CCDC73: variants seen among roughly 807,000 people sequenced by gnomAD.
CCDC73 encodes coiled-coil domain containing 73.
CCDC73 carries 95 observed loss-of-function variants against 116.5 expected under a neutral mutation model. That is an observed-to-expected ratio of 0.82 (90% CI 0.69 to 0.97). CCDC73 has a LOEUF of 0.97. Among genes scored for constraint, CCDC73 ranks in the 50% least tolerant of loss-of-function variants. The pLI is 0.00. For missense variants in CCDC73, 1,066 were observed against 1,206.8 expected (o/e 0.88, Z 1.73); for synonymous variants, 398 against 401.3 (o/e 0.99, Z 0.10).
intron 9 of CCDC73, among the ~76,000 whole-genome samples, chr11:32,665,033 T>C (rs1490585151): frequency 6.6e-6 from 1 of 152,238 alleles, no homozygotes; most frequent in Non-Finnish European, 1.5e-5. Context: ...CAGTTTGTTA[T>C]AATTTCTGTT....
At chr11:32,640,940 C>G (rs1855726750) in intron 13 of CCDC73, among the ~76,000 whole-genome samples, 1 of 151,890 alleles carries the variant, frequency 6.6e-6, no homozygotes, top group South Asian at 2.1e-4. Context: ...GGTGTGAACC[C>G]AGGAGGCAGA....
intron 2 of CCDC73, among the ~76,000 whole-genome samples, chr11:32,722,481 A>G (rs1247994850): frequency 6.6e-6 from 1 of 152,166 alleles, no homozygotes; most frequent in East Asian, 1.9e-4. Flanking sequence ...CCTATGACAC[A>G]TTTAGGGTTT....
upstream of CCDC73, among the ~76,000 whole-genome samples, chr11:32,798,360 C>T (rs550975288): frequency 1.3e-5 from 2 of 152,250 alleles, no homozygotes; most frequent in Non-Finnish European, 2.9e-5. Flanking sequence ...GTGGCACAAT[C>T]ACCACTAACT....
At chr11:32,678,308 T>C (rs1266249578) in intron 7 of CCDC73, among the ~76,000 whole-genome samples, 1 of 152,002 alleles carries the variant, frequency 6.6e-6, no homozygotes, top group Non-Finnish European at 1.5e-5. Flanking sequence ...AAAACCAAAG[T>C]ACAGGTAGTA....
intron 4 of CCDC73, 106 bp downstream of exon 4, chr11:32,702,766 CT>C: frequency 1.3e-6 from 1 of 793,578 alleles, no homozygotes; most frequent in South Asian, 1.4e-5. Flanking sequence ...CCTTGTTCTC[CT>C]TTTTGTCTTT....
intron 14 of CCDC73, among the ~76,000 whole-genome samples, chr11:32,619,481 G>A (rs1474660961): frequency 6.6e-6 from 1 of 152,102 alleles, no homozygotes; most frequent in Non-Finnish European, 1.5e-5. Flanking sequence ...GACCAGCTTA[G>A]GCCACATAAC....
rs1048825326 is a variant in CCDC73, at chr11:32,652,598, C to T, written c.939+525G>A. On this transcript the variant is annotated intron_variant, in intron 12 of 17. Transcript: ENST00000335185. ...AAGAGAAAAAGCCTCTTTTTTGAAC[C>T]CTGCACTCCCAAATTATCAATGGCC... 1.4e-4 allele frequency among the ~76,000 whole-genome samples: 21 copies of T among 152,102 alleles called. No homozygotes were observed. In the East Asian group the frequency reaches 4.1e-3, roughly 29 times the overall value.
intron 1 of CCDC73, among the ~76,000 whole-genome samples, chr11:32,765,496 C>A (rs1859260797): frequency 6.6e-6 from 1 of 152,186 alleles, no homozygotes; most frequent in Non-Finnish European, 1.5e-5. Context: ...AACTGAACAA[C>A]CTGCTCCTGA....
chr11:32,611,585 A>G (rs939128094), intron 16 of CCDC73, among the ~76,000 whole-genome samples: 4 of 152,162 alleles, frequency 2.6e-5, no homozygotes, highest in Non-Finnish European at 5.9e-5. Flanking sequence ...TGGTTACTGT[A>G]TTTCCCACAC....
chr11:32,610,472 T>G (rs767181649), intron 17 of CCDC73, among the ~76,000 whole-genome samples: 6 of 152,238 alleles, frequency 3.9e-5, no homozygotes, highest in Non-Finnish European at 8.8e-5. Flanking sequence ...ATTCATTTTG[T>G]ATATGCTAAA....
At chr11:32,778,710 G>C (rs796774869) in intron 1 of CCDC73, among the ~76,000 whole-genome samples, 1 of 151,982 alleles carries the variant, frequency 6.6e-6, no homozygotes, top group South Asian at 2.1e-4. Context: ...TACTTAGGAG[G>C]CTAAGGCAGG....
chr11:32,691,333 A>G (rs1469759673), intron 6 of CCDC73, among the ~76,000 whole-genome samples: 15 of 152,266 alleles, frequency 9.9e-5, no homozygotes, highest in African/African-American at 3.4e-4. Context: ...GGTGTGAGCC[A>G]CTGTGCCTGG....
intron 2 of CCDC73, among the ~76,000 whole-genome samples, chr11:32,747,964 C>T (rs1444942261): frequency 6.6e-6 from 1 of 152,222 alleles, no homozygotes; most frequent in Admixed American, 6.5e-5. Flanking sequence ...CACTGTCCAA[C>T]CAGTCCCAAC....
chr11:32,758,247 T>C (rs911988465), intron 2 of CCDC73: 4 of 339,342 alleles, frequency 1.2e-5, no homozygotes, highest in Non-Finnish European at 2.4e-5. Flanking sequence ...CATCCAGGGA[T>C]GGCATCTAGA....
chr11:32,634,211 T>C (rs1166750617), intron 14 of CCDC73, among the ~76,000 whole-genome samples: 1 of 152,070 alleles, frequency 6.6e-6, no homozygotes, highest in Non-Finnish European at 1.5e-5. Flanking sequence ...AGTTCAAATA[T>C]TGCAAAGAAA....
At chr11:32,678,903 T>A (rs1239315742) in intron 7 of CCDC73, among the ~76,000 whole-genome samples, 8 of 147,588 alleles carry the variant, frequency 5.4e-5, no homozygotes, top group Non-Finnish European at 9.0e-5. Flanking sequence ...AAAAAATATA[T>A]ATATATACAC....
chr11:32,647,686 T>A (rs756527401), intron 12 of CCDC73, among the ~76,000 whole-genome samples: 1 of 152,140 alleles, frequency 6.6e-6, no homozygotes, highest in Admixed American at 6.5e-5. Context: ...CTGAAAGGAA[T>A]CTTCCATTTT....
At chr11:32,633,488 C>T (rs1482723920) in intron 14 of CCDC73, among the ~76,000 whole-genome samples, 2 of 152,080 alleles carry the variant, frequency 1.3e-5, no homozygotes, top group Non-Finnish European at 2.9e-5. Context: ...TAGGAGGACT[C>T]ATAGGACTCA....
intron 2 of CCDC73, among the ~76,000 whole-genome samples, chr11:32,750,791 T>G (rs1850281647): frequency 6.6e-6 from 1 of 152,170 alleles, no homozygotes; most frequent in African/African-American, 2.4e-5. Flanking sequence ...AGAGCCCACT[T>G]GGTGCTCTTC....
Sources: gnomAD v4.1 joint callset for allele counts (sites outside exome capture counted in the v4.1 genomes callset) on GRCh38, gnomAD v4.1.1 for gene constraint, MANE v1.5 for transcripts, NCBI Gene and HGNC (gene_info 2026-07-23, HGNC 2026-07-21) for gene names.